The following ESRRG variants were observed in gnomAD, a reference collection of about 807,000 sequenced individuals.
The protein encoded by ESRRG is estrogen-related receptor gamma.
A neutral mutation model predicts 44.0 loss-of-function variants in ESRRG; 13 were observed. The ratio of observed to expected loss-of-function variants is 0.30; its 90% confidence interval spans 0.19 to 0.47. The LOEUF is 0.47. ESRRG is among the 20% of genes least tolerant of loss of function. The probability of loss-of-function intolerance (pLI) is 1.00; values close to 1 mark genes in which losing one functional copy is unlikely to be tolerated. For missense variants in ESRRG, 395 were observed against 580.6 expected, an observed-to-expected ratio of 0.68 and a Z score of 3.29; for synonymous variants, 215 against 214.6, an observed-to-expected ratio of 1.00 and a Z score of -0.02.
intron 5 of ESRRG, among the ~76,000 whole-genome samples, chr1:216,527,463 ACT>A (rs1326615783): frequency 6.6e-6 from 1 of 151,626 alleles, no homozygotes; most frequent in Non-Finnish European, 1.5e-5. Flanking sequence ...TAAAACTGAA[ACT>A]CTCTGGTAGA....
chr1:216,883,949 TA>T (rs768687274), intron 2 of ESRRG, among the ~76,000 whole-genome samples: 4 of 152,334 alleles, frequency 2.6e-5, no homozygotes, highest in South Asian at 4.1e-4. Context: ...TTATGTAATT[TA>T]AAAAAATTAA....
At chr1:216,788,274 G>A (rs1403590722) in intron 2 of ESRRG, among the ~76,000 whole-genome samples, 1 of 152,110 alleles carries the variant, frequency 6.6e-6, no homozygotes, top group African/African-American at 2.4e-5. Context: ...AAGCTCCAAA[G>A]AACAGGCCTA....
intron 1 of ESRRG, among the ~76,000 whole-genome samples, chr1:217,057,688 G>A (rs1213503288): frequency 1.3e-5 from 2 of 152,104 alleles, no homozygotes; most frequent in Non-Finnish European, 2.9e-5. Context: ...TGAAAACTCT[G>A]AAAGCAATAA....
chr1:217,079,239 T>C (rs1461613066), intron 1 of ESRRG, among the ~76,000 whole-genome samples: 1 of 152,250 alleles, frequency 6.6e-6, no homozygotes, highest in East Asian at 1.9e-4. Context: ...TGTGAGTTCC[T>C]CACTGTCCTT....
intron 1 of ESRRG, among the ~76,000 whole-genome samples, chr1:216,960,164 T>C (rs1171534186): frequency 1.3e-5 from 2 of 152,188 alleles, no homozygotes; most frequent in Admixed American, 6.5e-5. Flanking sequence ...CTTCCAATGC[T>C]TTTATAACAT....
chr1:216,789,609 C>T (rs372175972), intron 2 of ESRRG, among the ~76,000 whole-genome samples: 3 of 152,166 alleles, frequency 2.0e-5, no homozygotes, highest in African/African-American at 2.4e-5. Flanking sequence ...GCACTATCTC[C>T]GAGGTATGCC....
chr1:216,938,964 G>A (rs913686670), intron 2 of ESRRG, among the ~76,000 whole-genome samples: 1 of 152,088 alleles, frequency 6.6e-6, no homozygotes, highest in African/African-American at 2.4e-5. Context: ...ACTAATGGAT[G>A]GTATCCTGGG....
intron 1 of ESRRG, among the ~76,000 whole-genome samples, chr1:216,720,644 C>T (rs997676816): frequency 6.6e-6 from 1 of 151,954 alleles, no homozygotes; most frequent in African/African-American, 2.4e-5. Context: ...TATGGAATTA[C>T]TTTGGGATTG....
intron 2 of ESRRG, among the ~76,000 whole-genome samples, chr1:216,741,214 T>C (rs996307510): frequency 1.4e-5 from 2 of 147,088 alleles, no homozygotes; most frequent in Non-Finnish European, 3.0e-5. Flanking sequence ...TTATATAATT[T>C]ATATTATATA....
intron 1 of ESRRG, among the ~76,000 whole-genome samples, chr1:216,998,688 A>T (rs1201350676): frequency 6.6e-6 from 1 of 152,266 alleles, no homozygotes; most frequent in East Asian, 1.9e-4. Flanking sequence ...ATTGCTATTT[A>T]TAAGAGATAA....
chr1:216,890,189 C>T (rs1211648834), intron 2 of ESRRG, among the ~76,000 whole-genome samples: 1 of 152,034 alleles, frequency 6.6e-6, no homozygotes, highest in African/African-American at 2.4e-5. Flanking sequence ...CACTTGTGCC[C>T]AGAAGGTTGA....
rs370657704 is a variant in ESRRG, at chr1:216,623,077, C to CTTTTT, written c.589+27891_589+27895dup. Among the ~76,000 whole-genome samples, 195 of 88,682 alleles carry CTTTTT rather than the reference C, an allele frequency of 2.2e-3. 5 individuals carry two copies. The highest frequency in any genetic ancestry group is 5.7e-3 in the African/African-American group (126 of 22,194). The allele number at this position is 88,682 out of a possible 152,430, so 58.2% of individuals were successfully genotyped here. ...ACTGTCATCAGCTGAAATCATTAAA[C>CTTTTT]TTTTTTTTTTTTTTTTTTTTTTTGA... On this transcript the variant is annotated intron_variant, in intron 3 of 6. Transcript: ENST00000408911.
chr1:216,758,421 A>G (rs1029485444), intron 2 of ESRRG, among the ~76,000 whole-genome samples: 3 of 152,020 alleles, frequency 2.0e-5, no homozygotes, highest in African/African-American at 7.2e-5. Context: ...GTTCTCACCA[A>G]TGCAAGTCTC....
intron 1 of ESRRG, among the ~76,000 whole-genome samples, chr1:217,117,654 TG>T (rs1453309202): frequency 6.6e-6 from 1 of 152,162 alleles, no homozygotes; most frequent in Non-Finnish European, 1.5e-5. Flanking sequence ...AAAGTTATTA[TG>T]GAATAATAAG....
At chr1:216,617,537 G>A (rs563362775) in intron 3 of ESRRG, among the ~76,000 whole-genome samples, 1 of 150,722 alleles carries the variant, frequency 6.6e-6, no homozygotes, top group East Asian at 1.9e-4. Flanking sequence ...GGGGACTTAC[G>A]ATGTGAGGAA....
intron 1 of ESRRG, among the ~76,000 whole-genome samples, chr1:217,134,381 G>T (rs564124920): frequency 6.6e-6 from 1 of 152,220 alleles, no homozygotes; most frequent in East Asian, 1.9e-4. Flanking sequence ...GGAGAAACTG[G>T]TGGTGCCTAA....
chr1:216,545,650 C>G (rs571938765), intron 5 of ESRRG, among the ~76,000 whole-genome samples: 1 of 151,962 alleles, frequency 6.6e-6, no homozygotes, highest in Non-Finnish European at 1.5e-5. Flanking sequence ...TACACACATA[C>G]TTATATGTTT....
At chr1:216,980,699 A>C (rs1282327586) in intron 1 of ESRRG, among the ~76,000 whole-genome samples, 2 of 151,966 alleles carry the variant, frequency 1.3e-5, no homozygotes, top group Non-Finnish European at 2.9e-5. Flanking sequence ...CCTCCACAAT[A>C]CTCATGTTAC....
In ESRRG at chr1:216,505,052, C is replaced by T. The variant is rs2040962891; in HGVS notation, c.*1887G>A. On this transcript the variant is annotated 3_prime_UTR_variant, in exon 7 of 7. Coordinates refer to ENST00000408911, the MANE Select transcript of ESRRG (RefSeq NM_001438.4). ...ATGCAACATAAAATTCAGAAAAGCA[C>T]AGCAAACATGAAACATTGAAAAGCT... 1 of 152,606 alleles carries T rather than the reference C, an allele frequency of 6.6e-6. No individual in the cohort carries two copies. The highest frequency in any genetic ancestry group is 6.5e-5 in the Admixed American group (1 of 15,282). 9.5% of individuals were successfully genotyped at this position (152,606 alleles called of 1,614,324 possible). A position where few individuals can be genotyped will look rare whatever the true frequency, so the allele number is the denominator to read the frequency against.
Sources: allele counts gnomAD v4.1 joint callset (sites outside exome capture counted in the v4.1 genomes callset), GRCh38; gene constraint gnomAD v4.1.1; transcripts MANE v1.5; gene names NCBI Gene and HGNC (gene_info 2026-07-23, HGNC 2026-07-21).